The following ZNF510 variants were observed in gnomAD, a reference collection of about 807,000 sequenced individuals.
The protein encoded by ZNF510 is zinc finger protein 510.
Under a neutral mutation model 18.1 loss-of-function variants are expected in ZNF510, and 15 were observed. The observed-to-expected ratio is 0.83, with a 90% CI of 0.55 to 1.28. ZNF510 has a LOEUF of 1.28. Among genes scored for constraint, ZNF510 ranks in the 50% most tolerant of loss-of-function variants. The pLI is 0.00. For synonymous variants in ZNF510, 261 were observed against 266.4 expected (o/e 0.98, Z 0.20); for missense variants, 724 against 791.8 (o/e 0.91, Z 1.03).
At position 96,759,507 on chromosome 9, in the gene ZNF510, G is replaced by A. The variant is rs758154795; in HGVS notation, c.1323C>T (p.Phe441=). The part of the protein sequence containing the change: ...PFECSECGKT[F]SQKSHLSTHQ... Reference sequence around the variant, plus strand: ...GAGTACTGAGGTGTGACTTCTGGGAGAAAGTTTTTCCACATTCACTACATT... The same window carrying A: ...GAGTACTGAGGTGTGACTTCTGGGAAAAAGTTTTTCCACATTCACTACATT... The change falls in exon 6 of 6, where the codon TTC becomes TTT. Residue 441 remains phenylalanine, a synonymous_variant. Transcript: ENST00000223428. The A allele has an allele frequency of 2.5e-6, 4 of 1,613,704 alleles. No individual in the cohort carries two copies. The highest frequency in any genetic ancestry group is 1.7e-6 in the Non-Finnish European group (2 of 1,179,898).
intron 4 of ZNF510, 91 bp from the exon 5 acceptor site, chr9:96,763,304 C>T: frequency 7.1e-7 from 1 of 1,399,006 alleles, no homozygotes; most frequent in Non-Finnish European, 1.0e-6. Flanking sequence ...GAAGCAGTAT[C>T]CTGAAAGTGC....
chr9:96,764,262 C>T (rs906404746), intron 3 of ZNF510, among the ~76,000 whole-genome samples: 4 of 152,194 alleles, frequency 2.6e-5, no homozygotes, highest in African/African-American at 9.7e-5. Context: ...CCTGGGCATA[C>T]ATCATGGCAG....
intron 5 of ZNF510, chr9:96,762,910 GCTTGT>G (rs1373943223): frequency 2.2e-6 from 1 of 458,364 alleles, no homozygotes; most frequent in Non-Finnish European, 4.0e-6. Context: ...CTGGTTGGTG[GCTTGT>G]CTTTTCACCT....
In ZNF510 at chr9:96,763,540, C is replaced by G. The variant is rs1324981480; in HGVS notation, c.222G>C (p.Val74=). The part of the protein sequence containing the change: ...APVQKNLYRD[V]MLENYSNLVS... Reference sequence around the variant, plus strand: ...CGAGGTTGCTGTAGTTCTCCAGCATCACATCTCTGTACAGATTCTTCTGAA... The same window carrying G: ...CGAGGTTGCTGTAGTTCTCCAGCATGACATCTCTGTACAGATTCTTCTGAA... Residue 74 remains valine, a synonymous_variant, in exon 4 of 6, where the codon GTG becomes GTC. Coordinates refer to ENST00000223428, the MANE Select transcript of ZNF510 (RefSeq NM_014930.3). 7 of 1,611,464 alleles carry G rather than the reference C, an allele frequency of 4.3e-6. No individual in the cohort carries two copies. Among genetic ancestry groups the G allele is most frequent in the Non-Finnish European group, 5.9e-6 (7 of 1,179,190 alleles).
In ZNF510 at chr9:96,759,992, T is replaced by C; in HGVS notation, c.838A>G (p.Thr280Ala). The change falls in exon 6 of 6, where the codon ACA (threonine) becomes GCA (alanine). Residue 280 changes from threonine to alanine, a missense_variant. Thr to Ala is a moderately conservative substitution (Grantham distance 58, BLOSUM62 0). Transcript: ENST00000223428. ...VKHNSSHTGE[T>A]SSKDDEFRKN... is the part of the protein sequence containing the mutation. Reference sequence around the variant, plus strand: ...CTAAATTCATCATCTTTAGAGGATGTTTCTCCTGTGTGAGAACTGTTATGT... The same window carrying C: ...CTAAATTCATCATCTTTAGAGGATGCTTCTCCTGTGTGAGAACTGTTATGT... The C allele has an allele frequency of 6.2e-7, 1 of 1,613,208 alleles. No homozygotes were observed. The highest frequency in any genetic ancestry group is 8.5e-7 in the Non-Finnish European group (1 of 1,179,920).
intron 3 of ZNF510, among the ~76,000 whole-genome samples, chr9:96,773,661 C>T (rs141464376): frequency 0.016 from 2,413 of 152,082 alleles, 21 homozygotes; most frequent in Middle Eastern, 0.024. Context: ...CTGCAGCCTC[C>T]GCCTCCCAGG....
chr9:96,761,307 A>C (rs1415379341), intron 5 of ZNF510, among the ~76,000 whole-genome samples: 1 of 152,186 alleles, frequency 6.6e-6, no homozygotes. Flanking sequence ...AGAAAGTTCT[A>C]CTGTGAAAAT....
intron 3 of ZNF510, among the ~76,000 whole-genome samples, chr9:96,770,206 C>T (rs184774994): frequency 6.6e-6 from 1 of 152,118 alleles, no homozygotes; most frequent in Non-Finnish European, 1.5e-5. Flanking sequence ...TATATCCACA[C>T]AATGGAATAT....
intron 3 of ZNF510, among the ~76,000 whole-genome samples, chr9:96,768,973 G>A (rs1483607095): frequency 1.3e-5 from 2 of 152,106 alleles, no homozygotes; most frequent in East Asian, 3.8e-4. Flanking sequence ...TGTGGTACTG[G>A]CATAAATACA....
At chr9:96,777,881 G>T (rs925428727) in intron 1 of ZNF510, 153 bp downstream of exon 1, 1 of 152,218 alleles carries the variant, frequency 6.6e-6, no homozygotes, top group Non-Finnish European at 1.5e-5. Flanking sequence ...GCCCCCACCG[G>T]CCCTTCTCAG....
intron 3 of ZNF510, among the ~76,000 whole-genome samples, chr9:96,769,038 G>T (rs1564439864): frequency 6.6e-6 from 1 of 152,072 alleles, no homozygotes; most frequent in Admixed American, 6.6e-5. Context: ...CCATACATTG[G>T]CCATTTATTA....
chr9:96,765,208 T>A (rs920192559), intron 3 of ZNF510, among the ~76,000 whole-genome samples: 1 of 152,218 alleles, frequency 6.6e-6, no homozygotes, highest in African/African-American at 2.4e-5. Context: ...TCAAAATTGC[T>A]ATGCACCTGG....
intron 3 of ZNF510, among the ~76,000 whole-genome samples, chr9:96,774,076 A>T (rs1011812017): frequency 2.6e-5 from 4 of 152,254 alleles, no homozygotes; most frequent in African/African-American, 9.6e-5. Flanking sequence ...CCTAAGAGGA[A>T]GTCCAAACTG....
At chr9:96,763,037 ATATTTAGG>A in intron 5 of ZNF510, 73 bp downstream of exon 5, 1 of 1,119,826 alleles carries the variant, frequency 8.9e-7, no homozygotes, top group South Asian at 1.3e-5. Context: ...AAGTCTTGCA[ATATTTAGG>A]TGTTCACCCC....
intron 3 of ZNF510, among the ~76,000 whole-genome samples, chr9:96,766,813 A>C (rs1468517583): frequency 1.3e-5 from 2 of 149,880 alleles, no homozygotes; most frequent in African/African-American, 5.1e-5. Context: ...AACTATTAGG[A>C]GAGAGAGAGA....
At position 96,759,650 on chromosome 9, in the gene ZNF510, G is replaced by C; in HGVS notation, c.1180C>G (p.Arg394Gly). 6.2e-7 allele frequency: 1 copy of C among 1,613,562 alleles called. No individual in the cohort carries two copies. Among genetic ancestry groups the C allele is most frequent in the Non-Finnish European group, 8.5e-7 (1 of 1,179,960 alleles). The change falls in exon 6 of 6, where the codon CGC (arginine) becomes GGC (glycine). Residue 394 changes from arginine to glycine, a missense_variant. Physicochemically the swap from Arg to Gly is moderately radical, Grantham distance 125. Transcript: ENST00000223428. ...KSYQTSVHRV[R>G]RRSHSMMKPY... is the part of the protein sequence containing the mutation. ...TTCATCATTGAGTGACTTCTTCGGC[G>C]AACTCTGTGAACCGACGTCTGGTAG...
At chr9:96,772,236 A>G (rs59449995) in intron 3 of ZNF510, among the ~76,000 whole-genome samples, 4,493 of 152,226 alleles carry the variant, frequency 0.03, 242 homozygotes, top group African/African-American at 0.1. Context: ...GAACCTTGAC[A>G]CTCACCTTAT....
intron 3 of ZNF510, among the ~76,000 whole-genome samples, chr9:96,765,802 C>T (rs1057250300): frequency 5.9e-5 from 9 of 152,242 alleles, no homozygotes; most frequent in South Asian, 2.1e-4. Flanking sequence ...TGAGCCACTG[C>T]GCCTGGCCGA....
chr9:96,773,076 A>G (rs1849616000), intron 3 of ZNF510, among the ~76,000 whole-genome samples: 1 of 152,360 alleles, frequency 6.6e-6, no homozygotes, highest in East Asian at 1.9e-4. Context: ...CATTCCCTTG[A>G]AAACTGTAAA....
Sources: gnomAD v4.1 joint callset for allele counts (sites outside exome capture counted in the v4.1 genomes callset) on GRCh38, gnomAD v4.1.1 for gene constraint, MANE v1.5 for transcripts, NCBI Gene and HGNC (gene_info 2026-07-23, HGNC 2026-07-21) for gene names.